Variants in ANXA10 observed in about 807,000 individuals in gnomAD.
The protein encoded by ANXA10 is annexin A10.
In ANXA10, 49 loss-of-function variants were observed where a neutral mutation model predicts 53.5. That is an observed-to-expected ratio of 0.92 (90% CI 0.73 to 1.16). The LOEUF is 1.16. ANXA10 is among the 50% of genes most tolerant of loss of function. The pLI, the probability that ANXA10 is intolerant of heterozygous loss-of-function variation, is 0.00. For synonymous variants in ANXA10, 131 were observed against 128.9 expected (o/e 1.02, Z -0.11); for missense variants, 393 against 394.4 (o/e 1.00, Z 0.03).
Position 168,139,540 on chromosome 4 carries a change from G to T in ANXA10, c.155G>T (p.Arg52Met), listed in dbSNP as rs139179329. The change falls in exon 3 of 12, where the codon AGG (arginine) becomes ATG (methionine). Residue 52 changes from arginine to methionine, a missense_variant. By Grantham distance (91) the Arg-to-Met change is moderately conservative (BLOSUM62 -1). Transcript: ENST00000359299. ...NILTQRCNAQ[R>M]MMIAEAYQSM... ...CTGACTCAGCGCTGCAATGCACAAA[G>T]GATGATGATTGCAGAGGCATACCAG... 6.2e-7 allele frequency: 1 copy of T among 1,613,058 alleles called. No homozygotes were observed. The highest frequency in any genetic ancestry group is 1.3e-5 in the African/African-American group (1 of 75,026).
At chr4:168,153,981 TACACAC>T (rs35992092) in intron 3 of ANXA10, among the ~76,000 whole-genome samples, 150 of 149,326 alleles carry the variant, frequency 1.0e-3, no homozygotes, top group Admixed American at 1.7e-3. Context: ...TAGCTATGTA[TACACAC>T]ACACACACAC....
intron 3 of ANXA10, among the ~76,000 whole-genome samples, chr4:168,149,374 T>C (rs1406138585): frequency 2.6e-5 from 4 of 152,240 alleles, no homozygotes; most frequent in African/African-American, 9.6e-5. Flanking sequence ...TTTCCCAATG[T>C]GCTGATTTCA....
intron 3 of ANXA10, among the ~76,000 whole-genome samples, chr4:168,145,207 T>C (rs1053155111): frequency 6.6e-6 from 1 of 152,144 alleles, no homozygotes; most frequent in African/African-American, 2.4e-5. Context: ...GCACTGACCC[T>C]AGGTTTTATA....
At chr4:168,164,337 A>G (rs779700099) in intron 5 of ANXA10, 49 bp downstream of exon 5, 6 of 1,301,896 alleles carry the variant, frequency 4.6e-6, no homozygotes, top group South Asian at 1.3e-5. Context: ...TAAGAACTTT[A>G]TAACACATTA....
chr4:168,181,385 C>T (rs1167718835), intron 9 of ANXA10, among the ~76,000 whole-genome samples: 17 of 130,172 alleles, frequency 1.3e-4, no homozygotes, highest in African/African-American at 2.3e-4. Context: ...AACGAGACTC[C>T]GTCTCAAAAA....
chr4:168,150,990 G>T (rs775675194), intron 3 of ANXA10, among the ~76,000 whole-genome samples: 1 of 152,102 alleles, frequency 6.6e-6, no homozygotes, highest in South Asian at 2.1e-4. Context: ...GGTACCATAA[G>T]GTGTATTCTA....
rs1560954921 is a variant in ANXA10 at position 168,092,728 on chromosome 4, A to C, written c.18+10A>C. 1 of 1,570,430 alleles carries C rather than the reference A, an allele frequency of 6.4e-7. No individual in the cohort carries two copies. The highest frequency in any genetic ancestry group is 1.9e-5 in the Admixed American group (1 of 52,030). On this transcript the variant is annotated intron_variant, in intron 1 of 11. Transcript: ENST00000359299. ...GTTTTGTGGAGACTATGTGAGTATA[A>C]TGCTTATTTCTGTAAAGCTTTTCAC... is the stretch of plus-strand genomic sequence containing the variant.
intron 6 of ANXA10, among the ~76,000 whole-genome samples, chr4:168,167,525 A>C (rs1024766227): frequency 2.6e-5 from 4 of 152,206 alleles, no homozygotes; most frequent in Non-Finnish European, 5.9e-5. Context: ...ATAAGTTGAG[A>C]AGCCTCTCTA....
intron 3 of ANXA10, among the ~76,000 whole-genome samples, chr4:168,155,512 A>T (rs796902184): frequency 1.8e-4 from 2 of 11,198 alleles, no homozygotes; most frequent in African/African-American, 1.5e-3. Flanking sequence ...TATATTATAA[A>T]ATATATAATT....
chr4:168,134,426 T>G (rs1731202418), intron 2 of ANXA10, among the ~76,000 whole-genome samples: 1 of 152,200 alleles, frequency 6.6e-6, no homozygotes, highest in East Asian at 1.9e-4. Context: ...CTATGAAAAC[T>G]TAATAGAGCA....
At chr4:168,155,206 GAAC>G (rs1225321554) in intron 3 of ANXA10, among the ~76,000 whole-genome samples, 2 of 149,414 alleles carry the variant, frequency 1.3e-5, no homozygotes, top group African/African-American at 4.9e-5. Flanking sequence ...CGCTTTCCAC[GAAC>G]CTTCATTTTA....
rs1560796237 is a variant in ANXA10 at position 168,187,362 on chromosome 4, T to C, written c.907-4T>C. On this transcript the variant is annotated splice_region_variant and splice_polypyrimidine_tract_variant and intron_variant, in intron 11 of 11. Coordinates refer to ENST00000359299, the MANE Select transcript of ANXA10 (RefSeq NM_007193.5). The stretch of plus-strand genomic sequence containing the variant: ...TTTCAAATATATTATATTTTTCTTT[T>C]CAGAATTTTGCTTCAGGGCATTATA... The C allele has an allele frequency of 6.3e-7, 1 of 1,575,830 alleles. No individual in the cohort carries two copies.
chr4:168,184,432 T>C, intron 10 of ANXA10, 127 bp from the exon 11 acceptor site: 1 of 1,097,546 alleles, frequency 9.1e-7, no homozygotes, highest in Non-Finnish European at 1.3e-6. Context: ...GTGTGGCCAG[T>C]GATGCCAGTG....
At chr4:168,117,684 G>A (rs959570961) in intron 1 of ANXA10, among the ~76,000 whole-genome samples, 5 of 152,126 alleles carry the variant, frequency 3.3e-5, no homozygotes, top group Admixed American at 6.6e-5. Flanking sequence ...AAACATCACC[G>A]AAGTTCTAAA....
At chr4:168,155,058 G>T (rs959407589) in intron 3 of ANXA10, among the ~76,000 whole-genome samples, 1 of 151,726 alleles carries the variant, frequency 6.6e-6, no homozygotes, top group African/African-American at 2.4e-5. Flanking sequence ...CTGAAGGCTA[G>T]CTGTATACTT....
intron 5 of ANXA10, 94 bp from the exon 6 acceptor site, chr4:168,165,153 G>T (rs1731852991): frequency 5.7e-6 from 4 of 703,892 alleles, no homozygotes; most frequent in Non-Finnish European, 9.0e-6. Flanking sequence ...CCTGGACTTT[G>T]TACTCACAAC....
At chr4:168,147,600 C>T (rs896463748) in intron 3 of ANXA10, among the ~76,000 whole-genome samples, 1 of 152,172 alleles carries the variant, frequency 6.6e-6, no homozygotes, top group Non-Finnish European at 1.5e-5. Context: ...ATACCAAGTA[C>T]GTTCAACAGT....
At position 168,139,666 on chromosome 4, in the gene ANXA10, A is replaced by G. The variant is rs149968999; in HGVS notation, c.195+86A>G. ...CGGATAATAGGTATTTTTTTTTTCAATCTCACAGATTGCAAATATCTCAGA... is the reference window on the plus strand; with the variant it reads ...CGGATAATAGGTATTTTTTTTTTCAGTCTCACAGATTGCAAATATCTCAGA... On this transcript the variant is annotated intron_variant, in intron 3 of 11. Coordinates refer to ENST00000359299, the MANE Select transcript of ANXA10 (RefSeq NM_007193.5). 4.1e-4 allele frequency: 380 copies of G among 918,600 alleles called. 1 individual carries two copies. The African/African-American group carries it at 5.1e-3, about 12-fold the overall frequency. The allele number at this position is 918,600 out of a possible 1,614,324, so 56.9% of individuals were successfully genotyped here.
chr4:168,121,760 A>G (rs547339055), intron 1 of ANXA10, among the ~76,000 whole-genome samples: 1 of 152,222 alleles, frequency 6.6e-6, no homozygotes, highest in Middle Eastern at 3.4e-3. Context: ...TTTTCATTGA[A>G]CATGTTCTTT....
Sources: allele counts gnomAD v4.1 joint callset (sites outside exome capture counted in the v4.1 genomes callset), GRCh38; gene constraint gnomAD v4.1.1; transcripts MANE v1.5; gene names NCBI Gene and HGNC (gene_info 2026-07-23, HGNC 2026-07-21).